WASF3: variants seen among roughly 807,000 people sequenced by gnomAD.
The protein encoded by WASF3 is actin-binding protein WASF3.
Under a neutral mutation model 46.6 loss-of-function variants are expected in WASF3, and 11 were observed. The observed-to-expected ratio is 0.24, with a 90% CI of 0.15 to 0.39. The LOEUF is 0.39. WASF3 is among the 10% of genes least tolerant of loss of function. The pLI is 1.00. For synonymous variants in WASF3, 242 were observed against 259.7 expected, an observed-to-expected ratio of 0.93 and a Z score of 0.65; for missense variants, 576 against 669.8, an observed-to-expected ratio of 0.86 and a Z score of 1.55.
At chr13:26,644,847 A>G (rs537211832) in intron 3 of WASF3, among the ~76,000 whole-genome samples, 1 of 152,282 alleles carries the variant, frequency 6.6e-6, no homozygotes, top group African/African-American at 2.4e-5. Flanking sequence ...AAGCAAGAAC[A>G]TGAGCGAGAC....
intron 2 of WASF3, among the ~76,000 whole-genome samples, chr13:26,637,485 T>G (rs1385490881): frequency 6.6e-6 from 1 of 152,202 alleles, no homozygotes; most frequent in Non-Finnish European, 1.5e-5. Context: ...AGCTTTTCAT[T>G]CTGTCTGCCC....
At chr13:26,558,475 G>A (rs1879175783) in intron 1 of WASF3, among the ~76,000 whole-genome samples, 1 of 108,654 alleles carries the variant, frequency 9.2e-6, no homozygotes, top group South Asian at 3.7e-4. Flanking sequence ...GGGACCGCGC[G>A]CACGGAGCCG....
At chr13:26,588,590 A>G (rs11149445) in intron 1 of WASF3, among the ~76,000 whole-genome samples, 45,201 of 151,994 alleles carry the variant, frequency 0.3, 7,101 homozygotes, top group East Asian at 0.58. Flanking sequence ...GGAAATGTGT[A>G]TATATTTTTC....
At chr13:26,602,717 T>C (rs540000013) in intron 1 of WASF3, among the ~76,000 whole-genome samples, 2 of 152,326 alleles carry the variant, frequency 1.3e-5, no homozygotes, top group African/African-American at 4.8e-5. Flanking sequence ...AGGTTTAGTA[T>C]TATAGAGGTA....
intron 1 of WASF3, chr13:26,606,954 T>C (rs1593144433): frequency 1.3e-5 from 2 of 152,262 alleles, no homozygotes; most frequent in East Asian, 3.8e-4. Context: ...ATGTGACTTT[T>C]ATTACAGTAT....
chr13:26,569,000 T>C (rs2137150291), intron 1 of WASF3, among the ~76,000 whole-genome samples: 1 of 152,316 alleles, frequency 6.6e-6, no homozygotes, highest in Admixed American at 6.5e-5. Context: ...GGACAGGTGA[T>C]AGTAAAGTAT....
intron 8 of WASF3, among the ~76,000 whole-genome samples, chr13:26,681,874 G>C (rs1280385358): frequency 1.3e-5 from 2 of 151,510 alleles, no homozygotes; most frequent in East Asian, 3.9e-4. Context: ...CTTTTTTTTG[G>C]CTTTACTCTA....
chr13:26,598,869 TTTA>T (rs1405948770), intron 1 of WASF3, among the ~76,000 whole-genome samples: 34 of 152,194 alleles, frequency 2.2e-4, no homozygotes, highest in African/African-American at 7.5e-4. Context: ...TTTAATTTTA[TTTA>T]TTATTATTTA....
At chr13:26,614,324 G>C (rs556011340) in intron 2 of WASF3, among the ~76,000 whole-genome samples, 2 of 152,164 alleles carry the variant, frequency 1.3e-5, no homozygotes, top group East Asian at 3.9e-4. Flanking sequence ...TGTGTTCTCT[G>C]ACCAAGTTTA....
chr13:26,596,738 C>T (rs1880475313), intron 1 of WASF3, among the ~76,000 whole-genome samples: 1 of 152,092 alleles, frequency 6.6e-6, no homozygotes, highest in Non-Finnish European at 1.5e-5. Flanking sequence ...ATCCGGTTCT[C>T]TCCTTGTCTT....
rs1302197500 is a variant in WASF3, at chr13:26,582,541, G to A, written c.-109+24722G>A. ...AAATACAAAAAATTAGCTAGGTGTG[G>A]TGGTGTGCACCTGTAGTCCCAGTTA... On this transcript the variant is annotated intron_variant, in intron 1 of 9. Coordinates refer to ENST00000335327, the MANE Select transcript of WASF3 (RefSeq NM_006646.6). Among the ~76,000 whole-genome samples the A allele has an allele frequency of 2.6e-5, 4 of 151,886 alleles. No individual in the cohort carries two copies. In the East Asian group the frequency reaches 5.8e-4, roughly 22 times the overall value.
At chr13:26,645,365 T>G (rs1279263107) in intron 3 of WASF3, among the ~76,000 whole-genome samples, 2 of 152,188 alleles carry the variant, frequency 1.3e-5, no homozygotes, top group Non-Finnish European at 2.9e-5. Flanking sequence ...CCTCCAGAAC[T>G]GTGAGAAATA....
intron 1 of WASF3, among the ~76,000 whole-genome samples, chr13:26,579,160 C>T (rs917692197): frequency 8.6e-5 from 13 of 150,806 alleles, no homozygotes; most frequent in South Asian, 2.1e-4. Context: ...CCACTAGGAC[C>T]AGCGAATTTT....
chr13:26,684,070 G>A (rs1244706420), intron 9 of WASF3, among the ~76,000 whole-genome samples: 2 of 152,230 alleles, frequency 1.3e-5, no homozygotes, highest in East Asian at 3.9e-4. Context: ...GAGGAGCTGT[G>A]ATGCTGCTGC....
intron 3 of WASF3, among the ~76,000 whole-genome samples, chr13:26,644,900 GCCCAGGATGGCTTTCCCCT>G (rs949736603): frequency 1.3e-5 from 2 of 152,182 alleles, no homozygotes; most frequent in African/African-American, 4.8e-5. Flanking sequence ...TTCTTGACCT[GCCCAGGATGGCTTTCCCCT>G]CCCATTTGTG....
intron 1 of WASF3, among the ~76,000 whole-genome samples, chr13:26,564,900 G>GTTTTTTTTTTTTTTTTT (rs66809412): frequency 2.2e-4 from 18 of 81,638 alleles, no homozygotes; most frequent in African/African-American, 2.4e-4. Flanking sequence ...CAAGGTTGTG[G>GTTTTTTTTTTTTTTTTT]TTTTTTTTTT....
chr13:26,684,721 G>A (rs1883348622), intron 9 of WASF3, among the ~76,000 whole-genome samples: 1 of 152,142 alleles, frequency 6.6e-6, no homozygotes, highest in Non-Finnish European at 1.5e-5. Flanking sequence ...AGAGAAAAGT[G>A]TCTGTGTCTG....
chr13:26,646,085 T>A (rs1049998885), intron 3 of WASF3, among the ~76,000 whole-genome samples: 1 of 152,208 alleles, frequency 6.6e-6, no homozygotes. Context: ...CACATCAACA[T>A]GATTATAAAG....
intron 2 of WASF3, among the ~76,000 whole-genome samples, chr13:26,619,813 G>A (rs1881250116): frequency 6.6e-6 from 1 of 152,144 alleles, no homozygotes; most frequent in South Asian, 2.1e-4. Flanking sequence ...GGTTAAGAAT[G>A]GGGAGGGACC....
Sources: gnomAD v4.1 joint callset for allele counts (sites outside exome capture counted in the v4.1 genomes callset) on GRCh38, gnomAD v4.1.1 for gene constraint, MANE v1.5 for transcripts, NCBI Gene and HGNC (gene_info 2026-07-23, HGNC 2026-07-21) for gene names.